BICC1: variants seen among roughly 807,000 people sequenced by gnomAD.
BICC1 encodes protein bicaudal C homolog 1.
A neutral mutation model predicts 111.0 loss-of-function variants in BICC1; 43 were observed. That is an observed-to-expected ratio of 0.39 (90% CI 0.30 to 0.50). The LOEUF (loss-of-function observed/expected upper bound fraction) is 0.50. BICC1 is among the 20% of genes least tolerant of loss of function. The probability of loss-of-function intolerance (pLI) is 0.88; values close to 1 mark genes in which losing one functional copy is unlikely to be tolerated. For synonymous variants in BICC1, 467 were observed against 434.4 expected, an observed-to-expected ratio of 1.07 and a Z score of -0.93; for missense variants, 1,091 against 1,203.2, an observed-to-expected ratio of 0.91 and a Z score of 1.38.
At chr10:58,651,707 G>T (rs1458748589) in intron 2 of BICC1, among the ~76,000 whole-genome samples, 2 of 151,968 alleles carry the variant, frequency 1.3e-5, no homozygotes, top group East Asian at 3.9e-4. Context: ...GAGTGCTGTT[G>T]CCAAGTAAAT....
chr10:58,611,642 A>G (rs1192339997), intron 1 of BICC1, among the ~76,000 whole-genome samples: 1 of 151,382 alleles, frequency 6.6e-6, no homozygotes, highest in Non-Finnish European at 1.5e-5. Flanking sequence ...CTCCCAGATT[A>G]TTATTATTAT....
chr10:58,758,369 T>C (rs180841299), intron 3 of BICC1, among the ~76,000 whole-genome samples: 2 of 152,340 alleles, frequency 1.3e-5, no homozygotes, highest in African/African-American at 4.8e-5. Flanking sequence ...CCCTACCAAA[T>C]TGACAATTCT....
At chr10:58,649,143 G>A (rs548795489) in intron 2 of BICC1, among the ~76,000 whole-genome samples, 1 of 152,278 alleles carries the variant, frequency 6.6e-6, no homozygotes, top group African/African-American at 2.4e-5. Context: ...CCATAAAGGC[G>A]AGTAGATGAT....
intron 2 of BICC1, among the ~76,000 whole-genome samples, chr10:58,697,837 G>A (rs113610236): frequency 0.016 from 2,382 of 150,038 alleles, 60 homozygotes; most frequent in African/African-American, 0.056. Context: ...GTCAGCCCCC[G>A]GATGCAATAA....
At chr10:58,669,108 T>A (rs545333428) in intron 2 of BICC1, among the ~76,000 whole-genome samples, 1 of 152,142 alleles carries the variant, frequency 6.6e-6, no homozygotes, top group African/African-American at 2.4e-5. Flanking sequence ...TATAGTTTCT[T>A]AGGTAGTGTA....
At chr10:58,516,712 CTTTA>C (rs1244136171) in intron 1 of BICC1, among the ~76,000 whole-genome samples, 1 of 152,042 alleles carries the variant, frequency 6.6e-6, no homozygotes, top group Non-Finnish European at 1.5e-5. Flanking sequence ...TATATAATTT[CTTTA>C]TTTAATACTG....
chr10:58,685,617 T>C (rs1294368989), intron 2 of BICC1, among the ~76,000 whole-genome samples: 2 of 152,230 alleles, frequency 1.3e-5, no homozygotes, highest in Non-Finnish European at 2.9e-5. Flanking sequence ...TTTTCCATTA[T>C]GTAATGGCCT....
intron 3 of BICC1, among the ~76,000 whole-genome samples, chr10:58,746,177 T>TAC (rs1841832384): frequency 6.6e-6 from 1 of 152,172 alleles, no homozygotes; most frequent in South Asian, 2.1e-4. Flanking sequence ...GAATTTAATC[T>TAC]ACTTAGCTTT....
At chr10:58,716,886 G>A (rs534620947) in intron 3 of BICC1, among the ~76,000 whole-genome samples, 1 of 151,464 alleles carries the variant, frequency 6.6e-6, no homozygotes, top group African/African-American at 2.5e-5. Context: ...GGAGGTCAGA[G>A]CTGGCTACCA....
intron 3 of BICC1, among the ~76,000 whole-genome samples, chr10:58,782,262 A>G (rs1464968218): frequency 6.6e-6 from 1 of 152,170 alleles, no homozygotes; most frequent in African/African-American, 2.4e-5. Context: ...AGGAATTTTA[A>G]TGCGATTATC....
intron 2 of BICC1, among the ~76,000 whole-genome samples, chr10:58,670,887 A>G (rs1390790263): frequency 6.6e-6 from 1 of 152,178 alleles, no homozygotes; most frequent in Admixed American, 6.5e-5. Flanking sequence ...GACACATGCA[A>G]CAATATGGAT....
chr10:58,631,444 CT>C (rs1837791798), intron 2 of BICC1, among the ~76,000 whole-genome samples: 1 of 151,240 alleles, frequency 6.6e-6, no homozygotes, highest in Admixed American at 6.6e-5. Context: ...AAGGAGTTGT[CT>C]TTTGGCATTT....
intron 1 of BICC1, among the ~76,000 whole-genome samples, chr10:58,619,781 G>A (rs1292089567): frequency 6.6e-6 from 1 of 152,150 alleles, no homozygotes; most frequent in Non-Finnish European, 1.5e-5. Context: ...GTAGATGCTT[G>A]TCAAAACTTG....
At chr10:58,663,518 A>G (rs570828448) in intron 2 of BICC1, among the ~76,000 whole-genome samples, 2 of 152,298 alleles carry the variant, frequency 1.3e-5, no homozygotes, top group South Asian at 4.1e-4. Context: ...CCTGTTAGGA[A>G]TTGGGTCACA....
intron 1 of BICC1, among the ~76,000 whole-genome samples, chr10:58,586,625 A>T (rs1844437288): frequency 3.1e-5 from 1 of 32,520 alleles, no homozygotes; most frequent in Admixed American, 4.6e-4. Flanking sequence ...TCTCAAAAAA[A>T]AAAAAAACAA....
At chr10:58,798,314 G>T in intron 10 of BICC1, 85 bp from the exon 11 acceptor site, 1 of 978,152 alleles carries the variant, frequency 1.0e-6, no homozygotes. Context: ...ATATCATTGT[G>T]CATTCCCAAT....
chr10:58,608,562 T>C (rs995094251), intron 1 of BICC1, among the ~76,000 whole-genome samples: 3 of 152,244 alleles, frequency 2.0e-5, no homozygotes, highest in Non-Finnish European at 4.4e-5. Context: ...TTCTTTGAAT[T>C]CCTGTGCTTA....
At chr10:58,819,072 C>T (rs1844180328) in intron 19 of BICC1, among the ~76,000 whole-genome samples, 1 of 152,140 alleles carries the variant, frequency 6.6e-6, no homozygotes, top group Non-Finnish European at 1.5e-5. Context: ...TGTAGGCCAA[C>T]TGCCTGATTT....
chr10:58,657,398 G>A (rs77760867), intron 2 of BICC1, among the ~76,000 whole-genome samples: 1,615 of 152,180 alleles, frequency 0.011, 31 homozygotes, highest in African/African-American at 0.037. Flanking sequence ...ATGTTCCTGA[G>A]GAACGTGCAC....
Sources: gnomAD v4.1 joint callset for allele counts (sites outside exome capture counted in the v4.1 genomes callset) on GRCh38, gnomAD v4.1.1 for gene constraint, MANE v1.5 for transcripts, NCBI Gene and HGNC (gene_info 2026-07-23, HGNC 2026-07-21) for gene names.